FAM168B: variants seen among roughly 807,000 people sequenced by gnomAD.
FAM168B encodes the protein myelin-associated neurite-outgrowth inhibitor.
FAM168B carries 19 observed loss-of-function variants against 21.8 expected under a neutral mutation model. That is an observed-to-expected ratio of 0.87 (90% CI 0.61 to 1.28). FAM168B has a LOEUF of 1.28. Among genes scored for constraint, FAM168B ranks in the 50% most tolerant of loss-of-function variants. The pLI is 0.00. For missense variants in FAM168B, 233 were observed against 263.1 expected (o/e 0.89, Z 0.79); for synonymous variants, 126 against 104.8 (o/e 1.20, Z -1.24).
intron 3 of FAM168B, among the ~76,000 whole-genome samples, chr2:131,066,135 T>G (rs1692544833): frequency 6.7e-6 from 1 of 150,080 alleles, no homozygotes; most frequent in Non-Finnish European, 1.5e-5. Context: ...ATTTCATCAC[T>G]CCATCACTCT....
At chr2:131,072,061 A>C in intron 2 of FAM168B, 123 bp from the exon 3 acceptor site, 2 of 788,840 alleles carry the variant, frequency 2.5e-6, no homozygotes, top group South Asian at 3.1e-5. Flanking sequence ...CAGCCCCAAG[A>C]GCACTATGTG....
At chr2:131,081,234 T>G (rs1365180853) in intron 2 of FAM168B, among the ~76,000 whole-genome samples, 1 of 152,220 alleles carries the variant, frequency 6.6e-6, no homozygotes. Flanking sequence ...TCTTCTAAAC[T>G]TGGCTATGTG....
At position 131,048,097 on chromosome 2, in the gene FAM168B, A is replaced by G; in HGVS notation, c.*4368T>C. The G allele has an allele frequency of 2.0e-6, 2 of 1,007,000 alleles. No individual in the cohort carries two copies. Among genetic ancestry groups the G allele is most frequent in the South Asian group, 3.4e-5 (2 of 59,392 alleles). 62.4% of individuals were successfully genotyped at this position (1,007,000 alleles called of 1,614,324 possible). On this transcript the variant is annotated 3_prime_UTR_variant, in exon 7 of 7. Transcript: ENST00000389915. ...CAATGCAGAGGTGAGGGATGCCTTT[A>G]ACACTGGAAGACAATGCTGACTTAG...
intron 1 of FAM168B, among the ~76,000 whole-genome samples, chr2:131,085,476 C>CA (rs1235129490): frequency 1.2e-4 from 19 of 152,142 alleles, no homozygotes; most frequent in African/African-American, 4.6e-4. Context: ...TTCTAAAAAA[C>CA]AAATGCCTTT....
intron 1 of FAM168B, among the ~76,000 whole-genome samples, chr2:131,089,954 C>T (rs1254261709): frequency 6.6e-6 from 1 of 151,776 alleles, no homozygotes; most frequent in East Asian, 1.9e-4. Flanking sequence ...ATCACTTGAA[C>T]CCAGGAGGCA....
Position 131,055,611 on chromosome 2 carries a change from T to C in FAM168B, c.239A>G (p.Tyr80Cys), listed in dbSNP as rs774246574. ...VPPYSSSPNP[Y>C]QTAVYPVRSA... ...TCGCACAGGGTACACGGCAGTCTGG[T>C]AGGGGTTCGGGGAGGAGGAGTACGG... is the stretch of plus-strand genomic sequence containing the variant. Residue 80 changes from tyrosine to cysteine, a missense_variant, in exon 4 of 7, where the codon TAC (tyrosine) becomes TGC (cysteine). Tyr to Cys is a radical substitution (Grantham distance 194). Transcript: ENST00000389915. 4 of 1,610,752 alleles carry C rather than the reference T, an allele frequency of 2.5e-6. No individual in the cohort carries two copies. The highest frequency in any genetic ancestry group is 1.7e-5 in the Admixed American group (1 of 59,628).
chr2:131,082,475 G>C (rs1488826284), intron 2 of FAM168B, 102 bp downstream of exon 2: 1 of 754,378 alleles, frequency 1.3e-6, no homozygotes, highest in Non-Finnish European at 2.1e-6. Context: ...TCTTGTCTAA[G>C]CCACTTTGAG....
intron 3 of FAM168B, among the ~76,000 whole-genome samples, chr2:131,060,874 C>T (rs955535036): frequency 1.3e-5 from 2 of 151,604 alleles, no homozygotes; most frequent in Non-Finnish European, 2.9e-5. Flanking sequence ...TTTTTTGAGA[C>T]GGAGTCTCGC....
chr2:131,088,547 C>G lies in FAM168B; in HGVS notation c.-12+4667G>C, dbSNP rs555865394. On this transcript the variant is annotated intron_variant, in intron 1 of 6. Coordinates refer to ENST00000389915, the MANE Select transcript of FAM168B (RefSeq NM_001009993.4). ...AACTGTAAACAGAGTTTAAAGATAT[C>G]TGGGACACGACTGAATACTGGGTAT... Among the ~76,000 whole-genome samples, 3 of 152,224 alleles carry G rather than the reference C, an allele frequency of 2.0e-5. No individual in the cohort carries two copies. The South Asian group carries it at 6.2e-4, about 32-fold the overall frequency.
At chr2:131,066,868 C>A (rs780120937) in intron 3 of FAM168B, among the ~76,000 whole-genome samples, 5 of 152,130 alleles carry the variant, frequency 3.3e-5, no homozygotes, top group African/African-American at 7.2e-5. Flanking sequence ...CATTCTCATA[C>A]TACTAATAAA....
intron 6 of FAM168B, 120 bp from the exon 7 acceptor site, chr2:131,052,572 G>T: frequency 1.2e-6 from 1 of 832,656 alleles, no homozygotes; most frequent in Non-Finnish European, 1.5e-6. Flanking sequence ...AAAACTGCTG[G>T]ACCTGGTTCT....
intron 3 of FAM168B, among the ~76,000 whole-genome samples, chr2:131,069,181 T>C (rs1034917453): frequency 6.6e-6 from 1 of 152,214 alleles, no homozygotes; most frequent in African/African-American, 2.4e-5. Context: ...AAGGTTCTTC[T>C]TGTAAAATAA....
chr2:131,048,327 G>A lies in FAM168B; in HGVS notation c.*4138C>T, dbSNP rs1691418513. ...CTGCCTTGCCCACTGGTCTGCACAG[G>A]GACTCATGGGCACAGCCTGTGGTGA... is the stretch of plus-strand genomic sequence containing the variant. On this transcript the variant is annotated 3_prime_UTR_variant, in exon 7 of 7. Coordinates refer to ENST00000389915, the MANE Select transcript of FAM168B (RefSeq NM_001009993.4). 1 of 1,303,738 alleles carries A rather than the reference G, an allele frequency of 7.7e-7. No homozygotes were observed. Among genetic ancestry groups the A allele is most frequent in the African/African-American group, 1.5e-5 (1 of 65,848 alleles). 80.8% of individuals were successfully genotyped at this position (1,303,738 alleles called of 1,614,324 possible). A position where few individuals can be genotyped will look rare whatever the true frequency, so the allele number is the denominator to read the frequency against.
chr2:131,088,652 A>C (rs1038952841), intron 1 of FAM168B, among the ~76,000 whole-genome samples: 1 of 152,236 alleles, frequency 6.6e-6, no homozygotes, highest in Non-Finnish European at 1.5e-5. Flanking sequence ...GTAAAGATAC[A>C]ATAAAGTATA....
chr2:131,083,883 TATTTATTTA>T (rs1351747668), intron 1 of FAM168B, among the ~76,000 whole-genome samples: 1 of 94,652 alleles, frequency 1.1e-5, no homozygotes, highest in Non-Finnish European at 2.0e-5. Flanking sequence ...TGTATTTATT[TATTTATTTA>T]TTTATTTATT....
At chr2:131,063,291 C>T (rs796895947) in intron 3 of FAM168B, among the ~76,000 whole-genome samples, 34 of 152,270 alleles carry the variant, frequency 2.2e-4, no homozygotes, top group African/African-American at 7.5e-4. Context: ...AAGTCACCAA[C>T]GATTTCTAAT....
At chr2:131,078,404 GAAACTATAA>G (rs1693270703) in intron 2 of FAM168B, among the ~76,000 whole-genome samples, 1 of 152,128 alleles carries the variant, frequency 6.6e-6, no homozygotes, top group Non-Finnish European at 1.5e-5. Flanking sequence ...GAAAAAAACA[GAAACTATAA>G]AACAGGGTGC....
At chr2:131,087,141 T>C (rs1430480250) in intron 1 of FAM168B, among the ~76,000 whole-genome samples, 2 of 145,100 alleles carry the variant, frequency 1.4e-5, no homozygotes, top group East Asian at 2.1e-4. Context: ...AAAAATTCTG[T>C]GGAGGAGGGA....
chr2:131,071,003 G>T (rs2105520546), intron 3 of FAM168B, among the ~76,000 whole-genome samples: 1 of 152,334 alleles, frequency 6.6e-6, no homozygotes, highest in East Asian at 1.9e-4. Flanking sequence ...TTTTCTCAGG[G>T]TGTGAACTAC....
Sources: gnomAD v4.1 joint callset for allele counts (sites outside exome capture counted in the v4.1 genomes callset) on GRCh38, gnomAD v4.1.1 for gene constraint, MANE v1.5 for transcripts, NCBI Gene and HGNC (gene_info 2026-07-23, HGNC 2026-07-21) for gene names.